Variants in ATP6V1H observed in about 807,000 individuals in gnomAD.
ATP6V1H encodes ATPase H+ transporting V1 subunit H.
A neutral mutation model predicts 71.7 loss-of-function variants in ATP6V1H; 39 were observed. That is an observed-to-expected ratio of 0.54 (90% confidence interval 0.42 to 0.71). The LOEUF is 0.71. Ranked by LOEUF, ATP6V1H falls within the 30% of genes least tolerant of loss-of-function variation. ATP6V1H has a pLI of 0.00. For synonymous variants in ATP6V1H, 192 were observed against 199.3 expected, an observed-to-expected ratio of 0.96 and a Z score of 0.31; for missense variants, 509 against 594.9, an observed-to-expected ratio of 0.86 and a Z score of 1.50.
chr8:53,724,590 C>T (rs1458894280), intron 13 of ATP6V1H, among the ~76,000 whole-genome samples: 3 of 145,536 alleles, frequency 2.1e-5, no homozygotes, highest in Admixed American at 1.4e-4. Flanking sequence ...TCCCCCCTCC[C>T]CCTCCTCCCC....
rs13264293 is a variant in ATP6V1H at position 53,756,632 on chromosome 8, C to A, written c.1200G>T (p.Val400=). 1 of 1,613,840 alleles carries A rather than the reference C, an allele frequency of 6.2e-7. No individual in the cohort carries two copies. The highest frequency in any genetic ancestry group is 1.7e-5 in the Admixed American group (1 of 59,966). The change falls in exon 12 of 14, where the codon GTG becomes GTT. Residue 400 remains valine, a synonymous_variant. Coordinates refer to ENST00000359530, the MANE Select transcript of ATP6V1H (RefSeq NM_015941.4). ...CAGCTAAGACTTGGGGATCATCTGA[C>A]ACTTCCAAAAGTTTTGTCAAGATTC... The part of the protein sequence containing the change: ...LLKILTKLLE[V]SDDPQVLAVA...
Position 53,728,072 on chromosome 8 carries a change from T to G in ATP6V1H, c.1392-12048A>C, listed in dbSNP as rs567926353. 3.5e-4 allele frequency among the ~76,000 whole-genome samples: 54 copies of G among 152,374 alleles called. 1 individual carries two copies. The highest frequency in any genetic ancestry group is 1.3e-3 in the African/African-American group (52 of 41,598). ...GTGATCTAAGAGTTCCCACCTGGTTTCCTTGCCTTTGAACTTGCCACGCAG... is the reference window on the plus strand; with the variant it reads ...GTGATCTAAGAGTTCCCACCTGGTTGCCTTGCCTTTGAACTTGCCACGCAG... On this transcript the variant is annotated intron_variant, in intron 13 of 13. Coordinates refer to ENST00000359530, the MANE Select transcript of ATP6V1H (RefSeq NM_015941.4).
At chr8:53,801,690 G>T in intron 8 of ATP6V1H, 109 bp downstream of exon 8, 2 of 909,688 alleles carry the variant, frequency 2.2e-6, no homozygotes, top group Non-Finnish European at 3.3e-6. Flanking sequence ...TTGTTAAACA[G>T]ATATGAAAAA....
At chr8:53,820,981 CAAAAAAA>C (rs749738155) in intron 4 of ATP6V1H, among the ~76,000 whole-genome samples, 2 of 54,472 alleles carry the variant, frequency 3.7e-5, no homozygotes, top group Non-Finnish European at 7.3e-5. Flanking sequence ...AACTCTGTCT[CAAAAAAA>C]AAAAAAAGAA....
chr8:53,779,055 A>G (rs190517282), intron 9 of ATP6V1H, among the ~76,000 whole-genome samples: 68 of 152,344 alleles, frequency 4.5e-4, no homozygotes, highest in Non-Finnish European at 1.5e-5. Context: ...TGAAACAAAA[A>G]TTGACAAAAC....
chr8:53,810,731 C>T (rs1810246438), intron 7 of ATP6V1H, among the ~76,000 whole-genome samples: 1 of 152,142 alleles, frequency 6.6e-6, no homozygotes. Flanking sequence ...TAGAGCTAGA[C>T]TGTGTCTCAA....
At chr8:53,825,809 C>T (rs1287564467) in intron 4 of ATP6V1H, among the ~76,000 whole-genome samples, 2 of 151,868 alleles carry the variant, frequency 1.3e-5, no homozygotes, top group Non-Finnish European at 2.9e-5. Context: ...TAGAAAAAAA[C>T]CTTGGTGAAT....
At chr8:53,746,929 T>C (rs931195225) in intron 12 of ATP6V1H, among the ~76,000 whole-genome samples, 1 of 152,226 alleles carries the variant, frequency 6.6e-6, no homozygotes, top group African/African-American at 2.4e-5. Context: ...TCAAAACAAG[T>C]TAAGTCAATA....
In ATP6V1H at chr8:53,730,838, C is replaced by T. The variant is rs1173617134; in HGVS notation, c.1391+12739G>A. On this transcript the variant is annotated intron_variant, in intron 13 of 13. Coordinates refer to ENST00000359530, the MANE Select transcript of ATP6V1H (RefSeq NM_015941.4). ...CCCTTTTCCACCTCAACCAGGAGGA[C>T]GAAAGCACCATACTGTGGGAAGGGG... 3.3e-5 allele frequency among the ~76,000 whole-genome samples: 5 copies of T among 152,034 alleles called. No individual in the cohort carries two copies. In the East Asian group the frequency reaches 5.8e-4, roughly 18 times the overall value.
At chr8:53,738,343 CATGAA>C (rs1394730118) in intron 13 of ATP6V1H, among the ~76,000 whole-genome samples, 1 of 151,476 alleles carries the variant, frequency 6.6e-6, no homozygotes, top group Non-Finnish European at 1.5e-5. Flanking sequence ...ACACAAAGCC[CATGAA>C]ATGAAATATG....
chr8:53,841,570 G>C lies in ATP6V1H; in HGVS notation c.113+8C>G. 6.2e-7 allele frequency: 1 copy of C among 1,613,712 alleles called. No individual in the cohort carries two copies. Among genetic ancestry groups the C allele is most frequent in the Non-Finnish European group, 8.5e-7 (1 of 1,179,706 alleles). ...ACTGTCCATGATTCACAGCAAATTG[G>C]TACTTACTGAAGATAGGATTGCCAG... On this transcript the variant is annotated splice_region_variant and intron_variant, in intron 2 of 13. Transcript: ENST00000359530.
intron 9 of ATP6V1H, among the ~76,000 whole-genome samples, chr8:53,782,627 A>C (rs1400457971): frequency 6.6e-6 from 1 of 152,148 alleles, no homozygotes; most frequent in Non-Finnish European, 1.5e-5. Flanking sequence ...GCCAGTTTTC[A>C]AAGGGAATGC....
At chr8:53,725,004 A>AACTAATAT (rs1306661907) in intron 13 of ATP6V1H, among the ~76,000 whole-genome samples, 3 of 152,182 alleles carry the variant, frequency 2.0e-5, no homozygotes, top group Non-Finnish European at 4.4e-5. Context: ...ATGACAATAG[A>AACTAATAT]ACTAATATTT....
chr8:53,813,512 C>T (rs1048061516), intron 6 of ATP6V1H, among the ~76,000 whole-genome samples: 1 of 152,112 alleles, frequency 6.6e-6, no homozygotes, highest in African/African-American at 2.4e-5. Context: ...CCCATTCCTC[C>T]TCTAGGTCAC....
chr8:53,785,634 T>G (rs914843747), intron 9 of ATP6V1H, among the ~76,000 whole-genome samples: 17 of 152,076 alleles, frequency 1.1e-4, no homozygotes, highest in Non-Finnish European at 2.4e-4. Flanking sequence ...GAGTTTCTGG[T>G]TTTTCTGCTC....
intron 12 of ATP6V1H, among the ~76,000 whole-genome samples, chr8:53,746,555 G>A (rs866212769): frequency 5.3e-5 from 8 of 151,972 alleles, no homozygotes; most frequent in Admixed American, 2.0e-4. Flanking sequence ...ATGAGCCACC[G>A]CACCCATCCT....
At chr8:53,828,423 C>A (rs1474415373) in intron 4 of ATP6V1H, among the ~76,000 whole-genome samples, 1 of 152,174 alleles carries the variant, frequency 6.6e-6, no homozygotes, top group African/African-American at 2.4e-5. Flanking sequence ...AGCATATGGA[C>A]AGTAATTAAG....
chr8:53,753,201 G>A (rs1049299124), intron 12 of ATP6V1H, among the ~76,000 whole-genome samples: 1 of 152,048 alleles, frequency 6.6e-6, no homozygotes, highest in Admixed American at 6.5e-5. Flanking sequence ...TTATGCTGGT[G>A]AGAGGCTTCA....
chr8:53,720,912 T>C (rs1806588897), intron 13 of ATP6V1H, among the ~76,000 whole-genome samples: 2 of 152,208 alleles, frequency 1.3e-5, no homozygotes, highest in African/African-American at 4.8e-5. Context: ...CATAATGTTC[T>C]TGGAATTCTA....
Sources: allele counts gnomAD v4.1 joint callset (sites outside exome capture counted in the v4.1 genomes callset), GRCh38; gene constraint gnomAD v4.1.1; transcripts MANE v1.5; gene names NCBI Gene and HGNC (gene_info 2026-07-23, HGNC 2026-07-21).